Variants in CACNA2D1 observed in about 807,000 individuals in gnomAD.
CACNA2D1 encodes the protein voltage-dependent calcium channel subunit alpha-2/delta-1.
Under a neutral mutation model 171.5 loss-of-function variants are expected in CACNA2D1, and 53 were observed. The observed-to-expected ratio is 0.31, with a 90% CI of 0.25 to 0.39. The LOEUF (loss-of-function observed/expected upper bound fraction) is 0.39. CACNA2D1 is among the 10% of genes least tolerant of loss of function. The probability of loss-of-function intolerance (pLI) is 1.00; values close to 1 mark genes in which losing one functional copy is unlikely to be tolerated. For missense variants in CACNA2D1, 903 were observed against 1,299.8 expected, an observed-to-expected ratio of 0.69 and a Z score of 4.69; for synonymous variants, 442 against 443.1, an observed-to-expected ratio of 1.00 and a Z score of 0.03.
intron 3 of CACNA2D1, among the ~76,000 whole-genome samples, chr7:82,182,881 C>A (rs1797290184): frequency 6.6e-6 from 1 of 151,816 alleles, no homozygotes; most frequent in South Asian, 2.1e-4. Flanking sequence ...ACTAAAAATA[C>A]AGAAAATTAG....
At chr7:82,004,852 A>G (rs1232860500) in intron 18 of CACNA2D1, among the ~76,000 whole-genome samples, 1 of 152,176 alleles carries the variant, frequency 6.6e-6, no homozygotes, top group Admixed American at 6.5e-5. Context: ...TTAGGATAAT[A>G]TGGTTCATCG....
intron 1 of CACNA2D1, among the ~76,000 whole-genome samples, chr7:82,383,342 T>C (rs184875773): frequency 5.9e-5 from 9 of 152,298 alleles, no homozygotes; most frequent in Admixed American, 5.9e-4. Context: ...ACTGCCACTC[T>C]GAACTAAAAA....
At chr7:82,202,761 C>T (rs1394384209) in intron 3 of CACNA2D1, among the ~76,000 whole-genome samples, 1 of 151,930 alleles carries the variant, frequency 6.6e-6, no homozygotes, top group Non-Finnish European at 1.5e-5. Flanking sequence ...AGTCGGAGAC[C>T]CCATTAGGTC....
At chr7:82,244,162 G>A (rs1804643329) in intron 3 of CACNA2D1, among the ~76,000 whole-genome samples, 1 of 151,976 alleles carries the variant, frequency 6.6e-6, no homozygotes, top group African/African-American at 2.4e-5. Context: ...AACATTTCAT[G>A]GAAACAACAT....
At chr7:81,982,897 C>T (rs1796584297) in intron 23 of CACNA2D1, 1 of 547,136 alleles carries the variant, frequency 1.8e-6, no homozygotes. Flanking sequence ...TCTAACCCTA[C>T]TATAACCGAA....
At chr7:82,274,425 A>G (rs953580516) in intron 3 of CACNA2D1, among the ~76,000 whole-genome samples, 1 of 152,208 alleles carries the variant, frequency 6.6e-6, no homozygotes, top group African/African-American at 2.4e-5. Context: ...CTGTATCCCT[A>G]GTTCCTAGAA....
intron 3 of CACNA2D1, among the ~76,000 whole-genome samples, chr7:82,279,978 T>A (rs1027103391): frequency 1.3e-5 from 2 of 152,126 alleles, no homozygotes; most frequent in African/African-American, 4.8e-5. Flanking sequence ...AAAAATGATA[T>A]AATTGCATGC....
At chr7:82,108,045 A>C (rs1048273050) in intron 6 of CACNA2D1, among the ~76,000 whole-genome samples, 11 of 152,212 alleles carry the variant, frequency 7.2e-5, no homozygotes, top group Non-Finnish European at 2.9e-5. Context: ...TTTCACAACA[A>C]ACCACGTCAC....
chr7:82,275,725 A>G (rs1809233058), intron 3 of CACNA2D1, among the ~76,000 whole-genome samples: 1 of 152,200 alleles, frequency 6.6e-6, no homozygotes. Flanking sequence ...GCGCTCAGAT[A>G]TCAAAACATT....
At chr7:82,307,118 T>C (rs116738151) in intron 3 of CACNA2D1, among the ~76,000 whole-genome samples, 94 of 152,262 alleles carry the variant, frequency 6.2e-4, no homozygotes, top group African/African-American at 2.2e-3. Flanking sequence ...GTAAATTCCT[T>C]AACTTAGGAG....
intron 2 of CACNA2D1, among the ~76,000 whole-genome samples, chr7:82,337,027 T>A (rs1312452097): frequency 2.0e-5 from 3 of 152,144 alleles, no homozygotes; most frequent in African/African-American, 7.2e-5. Flanking sequence ...ATTAATTACT[T>A]GGTGCTTTAA....
intron 10 of CACNA2D1, among the ~76,000 whole-genome samples, chr7:82,040,471 A>C (rs1256937174): frequency 2.3e-5 from 3 of 131,970 alleles, no homozygotes; most frequent in South Asian, 2.4e-4. Context: ...AAAAAAAAAA[A>C]CAGAAGGCTT....
At chr7:82,145,896 CAA>C (rs66487410) in intron 4 of CACNA2D1, among the ~76,000 whole-genome samples, 41,521 of 151,466 alleles carry the variant, frequency 0.27, 5,977 homozygotes, top group East Asian at 0.39. Flanking sequence ...GGAAGAACAA[CAA>C]AAAGCTAGAA....
intron 11 of CACNA2D1, among the ~76,000 whole-genome samples, chr7:82,036,936 C>T (rs970989793): frequency 1.3e-5 from 2 of 152,262 alleles, no homozygotes; most frequent in Non-Finnish European, 2.9e-5. Flanking sequence ...CCTACACCTG[C>T]GTGTGGTTTG....
intron 7 of CACNA2D1, 46 bp downstream of exon 7, chr7:82,084,723 A>C (rs1261132473): frequency 6.2e-7 from 1 of 1,608,076 alleles, no homozygotes; most frequent in Non-Finnish European, 8.5e-7. Flanking sequence ...TTCTCCAGAA[A>C]CATTGAGGCT....
rs144257864 is a variant in CACNA2D1 at position 82,272,679 on chromosome 7, G to T, written c.294+62456C>A. Among the ~76,000 whole-genome samples the T allele has an allele frequency of 2.8e-3, 424 of 152,132 alleles. 6 individuals carry two copies. The highest frequency in any genetic ancestry group is 0.01 in the Middle Eastern group (3 of 294). On this transcript the variant is annotated intron_variant, in intron 3 of 38. Coordinates refer to ENST00000356860, the MANE Select transcript of CACNA2D1 (RefSeq NM_000722.4). The stretch of plus-strand genomic sequence containing the variant: ...GATCTTCTGAAAACAAAAGAATAAA[G>T]GTACTACTAAGAAAATTCAAAAATC...
chr7:82,099,611 G>A (rs1231872265), intron 6 of CACNA2D1, among the ~76,000 whole-genome samples: 2 of 109,208 alleles, frequency 1.8e-5, no homozygotes, highest in African/African-American at 3.1e-5. Context: ...CACTACGCCC[G>A]GCTAATTTTT....
intron 6 of CACNA2D1, among the ~76,000 whole-genome samples, chr7:82,089,907 C>CA (rs1348689143): frequency 1.3e-5 from 2 of 152,110 alleles, no homozygotes; most frequent in Non-Finnish European, 2.9e-5. Context: ...TCCAAGGCCT[C>CA]ACCATACATT....
At chr7:82,372,612 G>A (rs1822535542) in intron 1 of CACNA2D1, among the ~76,000 whole-genome samples, 1 of 151,532 alleles carries the variant, frequency 6.6e-6, no homozygotes, top group Non-Finnish European at 1.5e-5. Context: ...TTGTTATGAA[G>A]CAGATTTTTA....
Sources: allele counts gnomAD v4.1 joint callset (sites outside exome capture counted in the v4.1 genomes callset), GRCh38; gene constraint gnomAD v4.1.1; transcripts MANE v1.5; gene names NCBI Gene and HGNC (gene_info 2026-07-23, HGNC 2026-07-21).